The following EPB41L4A variants were observed in gnomAD, a reference collection of about 807,000 sequenced individuals.
EPB41L4A encodes the protein erythrocyte membrane protein band 4.1 like 4A.
A neutral mutation model predicts 108.6 loss-of-function variants in EPB41L4A; 100 were observed. That is an observed-to-expected ratio of 0.92 (90% CI 0.78 to 1.09). The LOEUF (loss-of-function observed/expected upper bound fraction) is 1.09. Ranked by LOEUF, EPB41L4A falls within the 50% of genes least tolerant of loss-of-function variation. The pLI, the probability that EPB41L4A is intolerant of heterozygous loss-of-function variation, is 0.00. For synonymous variants in EPB41L4A, 319 were observed against 289.0 expected (o/e 1.10, Z -1.05); for missense variants, 1,030 against 842.7 (o/e 1.22, Z -2.75).
intron 1 of EPB41L4A, among the ~76,000 whole-genome samples, chr5:112,375,485 A>G (rs1759762179): frequency 6.6e-6 from 1 of 152,206 alleles, no homozygotes; most frequent in Non-Finnish European, 1.5e-5. Context: ...AGGAAAATCC[A>G]TACTGAATGA....
rs201980333 is a variant in EPB41L4A at position 112,204,427 on chromosome 5, G to C, written c.1324C>G (p.Arg442Gly). The change falls in exon 15 of 23, where the codon CGA becomes GGA. Residue 442 changes from arginine to glycine, a missense_variant. Coordinates refer to ENST00000261486, the MANE Select transcript of EPB41L4A (RefSeq NM_022140.5). ...TTGTCACTTCCACAGGAGGGGTTTCGGCGACGCGTGTAAGGGAACTTTGGC... is the reference window on the plus strand; with the variant it reads ...TTGTCACTTCCACAGGAGGGGTTTCCGCGACGCGTGTAAGGGAACTTTGGC... ...KSPKFPYTRRRNPSCGSDNDS... is the reference protein window; with the variant it reads ...KSPKFPYTRRGNPSCGSDNDS... 112 of 1,613,926 alleles carry C rather than the reference G, an allele frequency of 6.9e-5. No homozygotes were observed. Among genetic ancestry groups the C allele is most frequent in the Non-Finnish European group, 9.1e-5 (107 of 1,179,908 alleles).
chr5:112,170,507 A>C (rs781767452), intron 19 of EPB41L4A, 138 bp from the exon 20 acceptor site: 2 of 625,820 alleles, frequency 3.2e-6, no homozygotes, highest in Non-Finnish European at 5.5e-6. Flanking sequence ...ATTTATAAAA[A>C]CTAAACGTGT....
At chr5:112,357,305 A>G (rs147853940) in intron 1 of EPB41L4A, among the ~76,000 whole-genome samples, 1,746 of 152,360 alleles carry the variant, frequency 0.011, 27 homozygotes, top group South Asian at 0.038. Flanking sequence ...GCTGCCCATA[A>G]TAATCTGAAT....
chr5:112,397,446 G>A (rs1220552981), intron 1 of EPB41L4A, among the ~76,000 whole-genome samples: 1 of 152,172 alleles, frequency 6.6e-6, no homozygotes, highest in African/African-American at 2.4e-5. Flanking sequence ...TCTTAGTGCT[G>A]TGTTTGATGC....
intron 19 of EPB41L4A, among the ~76,000 whole-genome samples, chr5:112,170,707 G>A (rs1235934060): frequency 6.6e-6 from 1 of 152,082 alleles, no homozygotes; most frequent in East Asian, 1.9e-4. Context: ...GCCTGTCTGA[G>A]GTCCATTTAG....
chr5:112,367,736 A>G (rs1376721986), intron 1 of EPB41L4A, among the ~76,000 whole-genome samples: 2 of 152,228 alleles, frequency 1.3e-5, no homozygotes, highest in African/African-American at 4.8e-5. Context: ...CTTCTCAGAA[A>G]GACAATGAAA....
chr5:112,173,346 T>C (rs1020591695), intron 18 of EPB41L4A, among the ~76,000 whole-genome samples: 2 of 152,016 alleles, frequency 1.3e-5, no homozygotes, highest in African/African-American at 4.8e-5. Flanking sequence ...CAGGAGGACA[T>C]ACACCCCATG....
intron 1 of EPB41L4A, among the ~76,000 whole-genome samples, chr5:112,379,067 T>C (rs1183604110): frequency 6.6e-6 from 1 of 152,166 alleles, no homozygotes; most frequent in East Asian, 1.9e-4. Context: ...TGGAACACAC[T>C]GAGCTAATAT....
At chr5:112,264,133 T>A (rs1330573669) in intron 6 of EPB41L4A, 3 of 152,150 alleles carry the variant, frequency 2.0e-5, no homozygotes, top group Non-Finnish European at 4.4e-5. Context: ...TCCTTAACTA[T>A]AATAGATCTG....
chr5:112,174,737 T>C (rs939929876), intron 18 of EPB41L4A, among the ~76,000 whole-genome samples: 14 of 152,210 alleles, frequency 9.2e-5, no homozygotes, highest in African/African-American at 3.4e-4. Flanking sequence ...ATATTTTGTA[T>C]ATTATACTAA....
chr5:112,387,398 G>A (rs547689677), intron 1 of EPB41L4A, among the ~76,000 whole-genome samples: 12 of 152,080 alleles, frequency 7.9e-5, no homozygotes, highest in South Asian at 2.1e-4. Flanking sequence ...AGGCCGAGGC[G>A]GGCAGATCAC....
At chr5:112,216,378 CT>C (rs1747642977) in intron 12 of EPB41L4A, among the ~76,000 whole-genome samples, 1 of 152,104 alleles carries the variant, frequency 6.6e-6, no homozygotes, top group African/African-American at 2.4e-5. Context: ...GTTGCCATTC[CT>C]TTTAATTTTT....
chr5:112,362,157 G>T (rs1047966533), intron 1 of EPB41L4A, among the ~76,000 whole-genome samples: 4 of 152,086 alleles, frequency 2.6e-5, no homozygotes, highest in Non-Finnish European at 5.9e-5. Context: ...GAGTGCAGTG[G>T]TACAAGTACA....
chr5:112,401,771 A>C (rs1761767465), intron 1 of EPB41L4A, among the ~76,000 whole-genome samples: 1 of 152,240 alleles, frequency 6.6e-6, no homozygotes, highest in Admixed American at 6.5e-5. Flanking sequence ...TTAGACAAAA[A>C]GAGAGCCAAT....
chr5:112,234,512 T>C (rs879166960), intron 12 of EPB41L4A, 122 bp downstream of exon 12: 1 of 912,694 alleles, frequency 1.1e-6, no homozygotes, highest in South Asian at 3.8e-5. Context: ...ATTAGAAAAT[T>C]TTAATATTGG....
intron 1 of EPB41L4A, among the ~76,000 whole-genome samples, chr5:112,384,523 C>G (rs908555533): frequency 1.3e-5 from 2 of 151,932 alleles, no homozygotes; most frequent in African/African-American, 4.8e-5. Context: ...CCACTCAGAG[C>G]CTGAGAACTT....
intron 1 of EPB41L4A, among the ~76,000 whole-genome samples, chr5:112,333,438 G>C (rs1175032221): frequency 6.6e-6 from 1 of 152,200 alleles, no homozygotes; most frequent in African/African-American, 2.4e-5. Context: ...TAATGACTGT[G>C]ACACCAAGCC....
chr5:112,187,858 A>C (rs556524981), intron 17 of EPB41L4A, among the ~76,000 whole-genome samples: 20 of 152,338 alleles, frequency 1.3e-4, no homozygotes, highest in African/African-American at 4.8e-4. Flanking sequence ...AAGATGATAC[A>C]AGCCATAAAC....
intron 1 of EPB41L4A, among the ~76,000 whole-genome samples, chr5:112,345,754 CATAT>C (rs1007759403): frequency 7.3e-6 from 1 of 137,474 alleles, no homozygotes; most frequent in African/African-American, 2.7e-5. Flanking sequence ...CTACAGGATG[CATAT>C]ATATATATAC....
Sources: allele counts gnomAD v4.1 joint callset (sites outside exome capture counted in the v4.1 genomes callset), GRCh38; gene constraint gnomAD v4.1.1; transcripts MANE v1.5; gene names NCBI Gene and HGNC (gene_info 2026-07-23, HGNC 2026-07-21).